SPO11: variants seen among roughly 807,000 people sequenced by gnomAD.
The protein encoded by SPO11 is meiotic recombination protein SPO11.
In SPO11, 49 loss-of-function variants were observed where a neutral mutation model predicts 51.6. That is an observed-to-expected ratio of 0.95 (90% confidence interval 0.75 to 1.20). The LOEUF (loss-of-function observed/expected upper bound fraction) is 1.20. Ranked by LOEUF, SPO11 falls within the 50% of genes most tolerant of loss-of-function variation. SPO11 has a pLI of 0.00. For missense variants in SPO11, 431 were observed against 473.4 expected, an observed-to-expected ratio of 0.91 and a Z score of 0.83; for synonymous variants, 176 against 158.2, an observed-to-expected ratio of 1.11 and a Z score of -0.84.
intron 8 of SPO11, among the ~76,000 whole-genome samples, chr20:57,337,068 G>C (rs1455725028): frequency 6.6e-6 from 1 of 152,120 alleles, no homozygotes; most frequent in Admixed American, 6.5e-5. Flanking sequence ...TAAAGCCATG[G>C]CCTAAAGAGA....
chr20:57,343,790 C>T lies in SPO11; in HGVS notation c.*330C>T, dbSNP rs28368104. ...AAGTCTACAAAATATTTACCTTCTA[C>T]GATACAACTAATGTTAACGCATAAA... On this transcript the variant is annotated 3_prime_UTR_variant, in exon 13 of 13. Coordinates refer to ENST00000371263, the MANE Select transcript of SPO11 (RefSeq NM_012444.3). 1.7e-3 allele frequency: 283 copies of T among 163,160 alleles called. 1 individual carries two copies. Among genetic ancestry groups the T allele is most frequent in the Non-Finnish European group, 1.9e-3 (146 of 75,924 alleles). The allele number at this position is 163,160 out of a possible 1,614,324, so 10.1% of individuals were successfully genotyped here.
Position 57,334,005 on chromosome 20 carries a change from C to G in SPO11, c.420C>G (p.Asp140Glu), listed in dbSNP as rs776805995. ...TTCATAGGGACATATATTACACTGA[C>G]AGTCAACTCTTTGGTAACCAGACTG... ...YATKRDIYYT[D>E]SQLFGNQTVV... is the part of the protein sequence containing the mutation. The change falls in exon 5 of 13, where the codon GAC becomes GAG. Residue 140 changes from aspartate (D) to glutamate (E), a missense_variant. This residue lies in a region of SPO11 where 405 missense variants were observed against 425.9 expected (regional missense o/e 0.95). Transcript: ENST00000371263. 5 of 1,572,096 alleles carry G rather than the reference C, an allele frequency of 3.2e-6. No homozygotes were observed. The highest frequency in any genetic ancestry group is 4.3e-6 in the Non-Finnish European group (5 of 1,158,086).
intron 8 of SPO11, among the ~76,000 whole-genome samples, chr20:57,336,528 T>C (rs2066515459): frequency 6.6e-6 from 1 of 152,178 alleles, no homozygotes. Flanking sequence ...GTCTGATACT[T>C]CTACTCCAAA....
At chr20:57,336,146 A>G (rs775000261) in intron 8 of SPO11, among the ~76,000 whole-genome samples, 2 of 152,036 alleles carry the variant, frequency 1.3e-5, no homozygotes, top group Non-Finnish European at 2.9e-5. Context: ...CCGAAGTACC[A>G]TGGCATGATC....
chr20:57,338,003 T>G (rs984320662), intron 8 of SPO11, among the ~76,000 whole-genome samples: 1 of 152,218 alleles, frequency 6.6e-6, no homozygotes, highest in Non-Finnish European at 1.5e-5. Flanking sequence ...TTCTCCTGCC[T>G]CAGCCTCCCG....
At position 57,334,091 on chromosome 20, in the gene SPO11, A is replaced by G; in HGVS notation, c.506A>G (p.His169Arg). The G allele has an allele frequency of 1.4e-6, 2 of 1,478,692 alleles. No individual in the cohort carries two copies. The highest frequency in any genetic ancestry group is 1.9e-6 in the Non-Finnish European group (2 of 1,075,890). The allele number at this position is 1,478,692 out of a possible 1,614,324, so 91.6% of individuals were successfully genotyped here. A position where few individuals can be genotyped will look rare whatever the true frequency, so the allele number is the denominator to read the frequency against. The change falls in exon 5 of 13, where the codon CAT becomes CGT. Residue 169 changes from histidine (H) to arginine (R), a missense_variant. His to Arg is a conservative substitution (Grantham distance 29, BLOSUM62 0). Coordinates refer to ENST00000371263, the MANE Select transcript of SPO11 (RefSeq NM_012444.3). ...CMLKVSRRSL[H>R]ILSTSKGLIA... ...TTAAAAGTGTCAAGGAGGAGTCTACATATAGTAAGTAGTACCTAATACAAA... is the reference window on the plus strand; with the variant it reads ...TTAAAAGTGTCAAGGAGGAGTCTACGTATAGTAAGTAGTACCTAATACAAA...
chr20:57,329,816 G>C lies in SPO11; in HGVS notation c.-52G>C. The stretch of plus-strand genomic sequence containing the variant: ...GGAAAGGCACGCAGCCACGCCCCAA[G>C]GGCGCAGCCTAGGACAGGGGCTTCT... On this transcript the variant is annotated 5_prime_UTR_variant, in exon 1 of 13. Coordinates refer to ENST00000371263, the MANE Select transcript of SPO11 (RefSeq NM_012444.3). The C allele has an allele frequency of 6.4e-7, 1 of 1,554,068 alleles. No homozygotes were observed. The highest frequency in any genetic ancestry group is 2.3e-5 in the East Asian group (1 of 44,116).
intron 10 of SPO11, 152 bp from the exon 11 acceptor site, chr20:57,339,950 C>T: frequency 6.5e-6 from 4 of 615,230 alleles, no homozygotes; most frequent in Non-Finnish European, 1.2e-5. Flanking sequence ...TAGCATAGCC[C>T]CTGATGGTTT....
Position 57,333,678 on chromosome 20 carries a change from AT to A in SPO11, c.335-5del. ...ATGAGTAACTTGTTTGTTGAATTTT[AT>A]TTTCCAGCTCTAATCCTTAAAATAT... is the stretch of plus-strand genomic sequence containing the variant. On this transcript the variant is annotated splice_polypyrimidine_tract_variant and splice_region_variant and intron_variant, in intron 3 of 12. Transcript: ENST00000371263. 7.0e-7 allele frequency: 1 copy of A among 1,429,598 alleles called. No homozygotes were observed. The highest frequency in any genetic ancestry group is 9.8e-7 in the Non-Finnish European group (1 of 1,021,912). The allele number at this position is 1,429,598 out of a possible 1,614,324, so 88.6% of individuals were successfully genotyped here.
At chr20:57,340,539 G>A (rs900857396) in intron 11 of SPO11, among the ~76,000 whole-genome samples, 1 of 152,162 alleles carries the variant, frequency 6.6e-6, no homozygotes, top group Admixed American at 6.5e-5. Context: ...CAAGGTGGGC[G>A]GATCACTTGA....
rs916471165 is a variant in SPO11, at chr20:57,334,411, C to G, written c.510+316C>G. ...CCTCGTGATCCACCTGCCTCGGCCTCCCAAAGTTCTAGGATTACAGGCGTA... is the reference window on the plus strand; with the variant it reads ...CCTCGTGATCCACCTGCCTCGGCCTGCCAAAGTTCTAGGATTACAGGCGTA... On this transcript the variant is annotated intron_variant, in intron 5 of 12. Transcript: ENST00000371263. Among the ~76,000 whole-genome samples, 4 of 152,302 alleles carry G rather than the reference C, an allele frequency of 2.6e-5. No individual in the cohort carries two copies. The South Asian group carries it at 6.2e-4, about 24-fold the overall frequency.
At chr20:57,340,448 A>G (rs2066567858) in intron 11 of SPO11, among the ~76,000 whole-genome samples, 2 of 152,204 alleles carry the variant, frequency 1.3e-5, no homozygotes, top group South Asian at 4.1e-4. Context: ...CATTTTATAC[A>G]CTTTTTATAC....
rs531198633 is a variant in SPO11 at position 57,340,730 on chromosome 20, G to A, written c.959+552G>A. ...TGCAGTGAGCCACGATCGCACCACT[G>A]CACTCCAGCCTGGGTGACAGAGCTT... On this transcript the variant is annotated intron_variant, in intron 11 of 12. Transcript: ENST00000371263. Among the ~76,000 whole-genome samples the A allele has an allele frequency of 4.6e-5, 7 of 151,902 alleles. No homozygotes were observed. The South Asian group carries it at 6.2e-4, about 14-fold the overall frequency.
At chr20:57,334,155 A>ATTT (rs72486602) in intron 5 of SPO11, 60 bp downstream of exon 5, 183 of 549,448 alleles carry the variant, frequency 3.3e-4, no homozygotes, top group East Asian at 6.6e-4. Flanking sequence ...ATAAAACATA[A>ATTT]TTTTTTTTTT....
chr20:57,340,166 C>T lies in SPO11; in HGVS notation c.947C>T (p.Ser316Phe). The change falls in exon 11 of 13, where the codon TCT (serine) becomes TTT (phenylalanine). Residue 316 changes from serine to phenylalanine, a missense_variant. Around this residue, in one of 3 missense-constraint regions of SPO11, gnomAD observed 405 missense variants for 425.9 expected, o/e 0.95. Coordinates refer to ENST00000371263, the MANE Select transcript of SPO11 (RefSeq NM_012444.3). ...ATTAGATGGCTTGGTCTTCTCCCTT[C>T]TGATCTTAAAAGGTTAGATAGTATA... ...PAIRWLGLLP[S>F]DLKRLNVPKD... 6.2e-7 allele frequency: 1 copy of T among 1,605,928 alleles called. No homozygotes were observed. The highest frequency in any genetic ancestry group is 8.5e-7 in the Non-Finnish European group (1 of 1,172,626).
At chr20:57,331,182 T>G (rs112436875) in intron 1 of SPO11, among the ~76,000 whole-genome samples, 46 of 152,362 alleles carry the variant, frequency 3.0e-4, no homozygotes, top group African/African-American at 1.1e-3. Context: ...AAACTGGGCT[T>G]AGTCTTCGCA....
In SPO11 at chr20:57,335,849, T is replaced by C. The variant is rs1328660662; in HGVS notation, c.686T>C (p.Phe229Ser). ...TTAATTGTAGAAAAAGATGCAACATTTCAGCGGCTCCTAGATGACAACTTT... is the reference window on the plus strand; with the variant it reads ...TTAATTGTAGAAAAAGATGCAACATCTCAGCGGCTCCTAGATGACAACTTT... ...FVLIVEKDAT[F>S]QRLLDDNFCN... Residue 229 changes from phenylalanine to serine, a missense_variant, in exon 8 of 13, where the codon TTT becomes TCT. Physicochemically the swap from Phe to Ser is radical, Grantham distance 155 (BLOSUM62 -2). This residue lies in a region of SPO11 where 405 missense variants were observed against 425.9 expected (regional missense o/e 0.95). Coordinates refer to ENST00000371263, the MANE Select transcript of SPO11 (RefSeq NM_012444.3). 3.7e-6 allele frequency: 6 copies of C among 1,613,580 alleles called. No homozygotes were observed. The highest frequency in any genetic ancestry group is 5.1e-6 in the Non-Finnish European group (6 of 1,179,748).
intron 8 of SPO11, among the ~76,000 whole-genome samples, chr20:57,336,257 T>C (rs73291807): frequency 0.019 from 2,914 of 152,318 alleles, 74 homozygotes; most frequent in African/African-American, 0.066. Context: ...CCTGTGGCTA[T>C]CAGTGCAGAC....
chr20:57,337,013 T>C (rs1352006923), intron 8 of SPO11, among the ~76,000 whole-genome samples: 1 of 152,168 alleles, frequency 6.6e-6, no homozygotes, highest in Non-Finnish European at 1.5e-5. Flanking sequence ...GTTGCTATAA[T>C]GCCATCACTT....
Sources: gnomAD v4.1 joint callset for allele counts (sites outside exome capture counted in the v4.1 genomes callset) on GRCh38, gnomAD v4.1.1 for gene constraint, gnomAD v4.1.1 regional missense constraint, MANE v1.5 for transcripts, NCBI Gene and HGNC (gene_info 2026-07-23, HGNC 2026-07-21) for gene names.